The following PSME3IP1 variants were observed in gnomAD, a reference collection of about 807,000 sequenced individuals.
The protein encoded by PSME3IP1 is proteasome activator subunit 3 interacting protein 1, also known as PSME3-interacting protein.
Under a neutral mutation model 34.1 loss-of-function variants are expected in PSME3IP1, and 13 were observed. That is an observed-to-expected ratio of 0.38 (90% confidence interval 0.25 to 0.61). The LOEUF (loss-of-function observed/expected upper bound fraction) is 0.61, where lower values mean the gene tolerates loss of function less well. Ranked by LOEUF, PSME3IP1 falls within the 20% of genes least tolerant of loss-of-function variation. PSME3IP1 has a pLI of 0.60. For missense variants in PSME3IP1, 237 were observed against 301.4 expected (o/e 0.79, Z 1.58); for synonymous variants, 93 against 114.3 (o/e 0.81, Z 1.19).
At chr16:57,183,518 A>G (rs919029369) in intron 1 of PSME3IP1, among the ~76,000 whole-genome samples, 2 of 152,118 alleles carry the variant, frequency 1.3e-5, no homozygotes, top group Non-Finnish European at 2.9e-5. Flanking sequence ...TTTTTAGTAG[A>G]GACAGGGTTT....
chr16:57,156,796 G>A (rs983836672), intron 6 of PSME3IP1, among the ~76,000 whole-genome samples: 2 of 152,058 alleles, frequency 1.3e-5, no homozygotes, highest in African/African-American at 2.4e-5. Flanking sequence ...TAAACATAAC[G>A]GGATAAACAA....
intron 4 of PSME3IP1, among the ~76,000 whole-genome samples, chr16:57,170,445 A>G (rs1007692347): frequency 2.8e-4 from 42 of 152,240 alleles, no homozygotes; most frequent in Non-Finnish European, 1.0e-4. Context: ...ACCAACTAGT[A>G]CATATACACA....
chr16:57,154,632 A>C lies in PSME3IP1; in HGVS notation c.548-125T>G, dbSNP rs1490625291. The C allele has an allele frequency of 1.4e-6, 1 of 726,984 alleles. No individual in the cohort carries two copies. The highest frequency in any genetic ancestry group is 1.8e-5 in the African/African-American group (1 of 55,378). 45.0% of individuals were successfully genotyped at this position (726,984 alleles called of 1,614,324 possible). On this transcript the variant is annotated intron_variant, in intron 6 of 6. Coordinates refer to ENST00000309137, the MANE Select transcript of PSME3IP1 (RefSeq NM_024946.4). This position sits in a 1 kb window ranked among gnomAD's most constrained non-coding sequence, Gnocchi z 4.0. ...GAGGAGCCTTAGAACAATGCTATGC[A>C]GCCAATACTATCATCACCCTCGTTT...
intron 6 of PSME3IP1, among the ~76,000 whole-genome samples, chr16:57,155,017 C>T (rs1220269553): frequency 1.3e-5 from 2 of 152,254 alleles, no homozygotes; most frequent in Non-Finnish European, 2.9e-5. Context: ...TACAAAATAA[C>T]ATTCTTTTCT....
chr16:57,183,301 C>T (rs59899709), intron 1 of PSME3IP1, among the ~76,000 whole-genome samples: 1,647 of 152,190 alleles, frequency 0.011, 31 homozygotes, highest in African/African-American at 0.038. Flanking sequence ...ACCAATTCTC[C>T]ACCTCTGCAC....
intron 6 of PSME3IP1, among the ~76,000 whole-genome samples, chr16:57,156,775 CAG>C (rs1567352536): frequency 6.6e-6 from 1 of 152,054 alleles, no homozygotes; most frequent in African/African-American, 2.4e-5. Context: ...GAAAAAGAAA[CAG>C]ATGAATTTTA....
rs1183788524 is a variant in PSME3IP1, at chr16:57,153,987, T to A, written c.*303A>T. On this transcript the variant is annotated 3_prime_UTR_variant, in exon 7 of 7. Coordinates refer to ENST00000309137, the MANE Select transcript of PSME3IP1 (RefSeq NM_024946.4). ...CCAAACCCTTTGGCAAGCCAGCCGGTGCCTATTCTCCTGGGGCATTTTTAG... is the reference window on the plus strand; with the variant it reads ...CCAAACCCTTTGGCAAGCCAGCCGGAGCCTATTCTCCTGGGGCATTTTTAG... 2 of 361,232 alleles carry A rather than the reference T, an allele frequency of 5.5e-6. No individual in the cohort carries two copies. The highest frequency in any genetic ancestry group is 2.1e-5 in the African/African-American group (1 of 47,656). 22.4% of individuals were successfully genotyped at this position (361,232 alleles called of 1,614,324 possible).
Position 57,179,765 on chromosome 16 carries a change from AG to A in PSME3IP1, c.-15-5897del, listed in dbSNP as rs533310867. Among the ~76,000 whole-genome samples, 366 of 152,360 alleles carry A rather than the reference AG, an allele frequency of 2.4e-3. 1 individual carries two copies. The highest frequency in any genetic ancestry group is 8.6e-3 in the African/African-American group (357 of 41,578). ...GTTGTTTTAAGGCTTCACTTTCAGT[AG>A]CAAAAGCAATAGGTCAATCCATTTC... On this transcript the variant is annotated intron_variant, in intron 1 of 6. Transcript: ENST00000309137.
At chr16:57,161,311 A>T (rs561279517) in intron 6 of PSME3IP1, among the ~76,000 whole-genome samples, 1 of 152,352 alleles carries the variant, frequency 6.6e-6, no homozygotes, top group Admixed American at 6.5e-5. Flanking sequence ...ATACAGATAG[A>T]CATATATAGC....
At chr16:57,166,967 G>A (rs758100821) in intron 5 of PSME3IP1, 126 bp downstream of exon 5, 5 of 1,041,292 alleles carry the variant, frequency 4.8e-6, no homozygotes, top group Non-Finnish European at 7.1e-6. Flanking sequence ...GGAGAGATAG[G>A]TGAGCACACC....
Position 57,153,178 on chromosome 16 carries a change from G to A in PSME3IP1, c.*1112C>T, listed in dbSNP as rs2070128088. 6.6e-6 allele frequency: 1 copy of A among 152,516 alleles called. No individual in the cohort carries two copies. Among genetic ancestry groups the A allele is most frequent in the African/African-American group, 2.4e-5 (1 of 41,462 alleles). The allele number at this position is 152,516 out of a possible 1,614,324, so 9.4% of individuals were successfully genotyped here. On this transcript the variant is annotated 3_prime_UTR_variant, in exon 7 of 7. Coordinates refer to ENST00000309137, the MANE Select transcript of PSME3IP1 (RefSeq NM_024946.4). The stretch of plus-strand genomic sequence containing the variant: ...TCCCTCTCCCTCCTCCAGAATCCAA[G>A]GGATGAGCCCGTTTCCCTTTATGAG...
At chr16:57,174,444 G>A in intron 1 of PSME3IP1, 1 of 985,306 alleles carries the variant, frequency 1.0e-6, no homozygotes, top group Non-Finnish European at 1.2e-6. Context: ...TTATTACCTG[G>A]TGTTCCATAG....
At chr16:57,168,475 AATAG>A (rs1276376482) in intron 4 of PSME3IP1, among the ~76,000 whole-genome samples, 4 of 147,840 alleles carry the variant, frequency 2.7e-5, no homozygotes, top group Non-Finnish European at 4.5e-5. Context: ...TCATCATGGA[AATAG>A]ATAATGTTAA....
In PSME3IP1 at chr16:57,164,769, C is replaced by T. The variant is rs754788452; in HGVS notation, c.483-704G>A. Among the ~76,000 whole-genome samples, 6 of 152,192 alleles carry T rather than the reference C, an allele frequency of 3.9e-5. No homozygotes were observed. In the East Asian group the frequency reaches 9.7e-4, roughly 25 times the overall value. On this transcript the variant is annotated intron_variant, in intron 5 of 6. Transcript: ENST00000309137. ...TGGGAGGCCCGGGTGCGGTGGCTGA[C>T]GCCTGTAATCCCAGCACGTTGGGAG...
chr16:57,184,731 A>T (rs1170339583), intron 1 of PSME3IP1, among the ~76,000 whole-genome samples: 1 of 152,268 alleles, frequency 6.6e-6, no homozygotes, highest in Non-Finnish European at 1.5e-5. Context: ...GAAAGTGAAG[A>T]CTGATAATCA....
chr16:57,178,480 T>C (rs1438362361), intron 1 of PSME3IP1: 2 of 837,516 alleles, frequency 2.4e-6, no homozygotes, highest in Non-Finnish European at 1.4e-6. Context: ...GTCTGGCATA[T>C]ATTAGGTATT....
chr16:57,182,842 G>A (rs191305458), intron 1 of PSME3IP1, among the ~76,000 whole-genome samples: 12 of 152,222 alleles, frequency 7.9e-5, no homozygotes, highest in East Asian at 1.9e-4. Context: ...CCCGGGAGGC[G>A]GAGGTTGTAG....
At chr16:57,174,322 A>T in intron 1 of PSME3IP1, 1 of 488,428 alleles carries the variant, frequency 2.0e-6, no homozygotes, top group Non-Finnish European at 2.7e-6. Flanking sequence ...CAAATAGTTT[A>T]ATTTATAGGC....
intron 4 of PSME3IP1, 125 bp from the exon 5 acceptor site, chr16:57,167,351 T>C: frequency 1.8e-6 from 2 of 1,090,992 alleles, no homozygotes; most frequent in Non-Finnish European, 2.7e-6. Context: ...CCCTTCTTTA[T>C]TCTGCCAGTC....
Sources: allele counts gnomAD v4.1 joint callset (sites outside exome capture counted in the v4.1 genomes callset), GRCh38; gene constraint gnomAD v4.1.1; non-coding constraint Gnocchi (gnomAD v3.1); transcripts MANE v1.5; gene names NCBI Gene and HGNC (gene_info 2026-07-23, HGNC 2026-07-21).